The following UNC13C variants were observed in gnomAD, a reference collection of about 807,000 sequenced individuals.
The protein encoded by UNC13C is protein unc-13 homolog C.
In UNC13C, 174 loss-of-function variants were observed where a neutral mutation model predicts 245.4. The observed-to-expected ratio is 0.71, with a 90% confidence interval of 0.63 to 0.80. UNC13C has a LOEUF of 0.80. Ranked by LOEUF, UNC13C falls within the 30% of genes least tolerant of loss-of-function variation. The pLI, the probability that UNC13C is intolerant of heterozygous loss-of-function variation, is 0.00. For missense variants in UNC13C, 2,829 were observed against 2,602.9 expected (o/e 1.09, Z -1.89); for synonymous variants, 992 against 895.1 (o/e 1.11, Z -1.93).
chr15:54,042,362 C>T (rs1040808827), intron 2 of UNC13C, among the ~76,000 whole-genome samples: 13 of 152,060 alleles, frequency 8.5e-5, no homozygotes, highest in African/African-American at 1.4e-4. Flanking sequence ...ACTTTTCAAC[C>T]GGAACACACC....
chr15:54,176,225 C>A (rs2033609444), intron 4 of UNC13C, among the ~76,000 whole-genome samples: 1 of 152,078 alleles, frequency 6.6e-6, no homozygotes, highest in Admixed American at 6.5e-5. Context: ...ATTAAGGCTG[C>A]TTCCAGTGGT....
intron 2 of UNC13C, among the ~76,000 whole-genome samples, chr15:54,028,180 T>C (rs1896197486): frequency 6.6e-6 from 1 of 152,226 alleles, no homozygotes; most frequent in Non-Finnish European, 1.5e-5. Flanking sequence ...GCTAAGTTTT[T>C]CAGACTTTCA....
At position 54,297,981 on chromosome 15, in the gene UNC13C, A is replaced by G. The variant is rs565520504; in HGVS notation, c.4104+55A>G. 3.4e-6 allele frequency: 4 copies of G among 1,187,250 alleles called. No individual in the cohort carries two copies. The South Asian group carries it at 5.5e-5, about 16-fold the overall frequency. The allele number at this position is 1,187,250 out of a possible 1,614,324, so 73.5% of individuals were successfully genotyped here. A position where few individuals can be genotyped will look rare whatever the true frequency, so the allele number is the denominator to read the frequency against. On this transcript the variant is annotated intron_variant, in intron 12 of 32. Transcript: ENST00000260323. ...ATATAAGAAATGTTCTTGATTATGGATTATAAAACAGAATATTTGGTTTAA... is the reference window on the plus strand; with the variant it reads ...ATATAAGAAATGTTCTTGATTATGGGTTATAAAACAGAATATTTGGTTTAA...
At chr15:54,611,573 C>T (rs1266129590) in intron 30 of UNC13C, 1 of 152,050 alleles carries the variant, frequency 6.6e-6, no homozygotes, top group African/African-American at 2.4e-5. Context: ...TTTTAAGAAT[C>T]CTGAAAGATT....
Position 54,551,964 on chromosome 15 carries a change from A to C in UNC13C, c.5877+2273A>C, listed in dbSNP as rs901723372. On this transcript the variant is annotated intron_variant, in intron 28 of 32. Coordinates refer to ENST00000260323, the MANE Select transcript of UNC13C (RefSeq NM_001080534.3). The stretch of plus-strand genomic sequence containing the variant: ...TTAAACTATGGGTCTTTAAATTTTT[A>C]ATATATTAATTTGAAAGCAGATATG... Among the ~76,000 whole-genome samples, 7 of 151,442 alleles carry C rather than the reference A, an allele frequency of 4.6e-5. No individual in the cohort carries two copies. The Admixed American group carries it at 4.6e-4, about 10-fold the overall frequency.
intron 4 of UNC13C, among the ~76,000 whole-genome samples, chr15:54,165,695 G>A (rs928783870): frequency 1.3e-5 from 2 of 151,972 alleles, no homozygotes; most frequent in African/African-American, 4.8e-5. Flanking sequence ...TGTATGTAAT[G>A]TGTTTTCAAA....
chr15:53,934,507 C>G, the UNC13C span, among the ~76,000 whole-genome samples: 1 of 152,156 alleles, frequency 6.6e-6, no homozygotes, highest in African/African-American at 2.4e-5. Context: ...AAGGTAAAGC[C>G]AAGTCCTAGA....
intron 19 of UNC13C, among the ~76,000 whole-genome samples, chr15:54,458,353 T>C (rs1891648833): frequency 6.6e-6 from 1 of 152,132 alleles, no homozygotes. Context: ...AAAGAATGTA[T>C]ATTCTGCAGT....
intron 13 of UNC13C, 51 bp downstream of exon 13, chr15:54,300,424 GA>G: frequency 1.4e-6 from 2 of 1,471,232 alleles, no homozygotes; most frequent in Middle Eastern, 1.9e-4. Flanking sequence ...AAAATATAAA[GA>G]AAGAAAGGAG....
intron 1 of UNC13C, among the ~76,000 whole-genome samples, chr15:53,981,356 C>G (rs1893921256): frequency 1.3e-5 from 2 of 152,106 alleles, no homozygotes; most frequent in South Asian, 2.1e-4. Context: ...GAAAAACAAT[C>G]CTGCTTTGCA....
At chr15:54,446,205 ATAGTT>A (rs1890803579) in intron 19 of UNC13C, among the ~76,000 whole-genome samples, 2 of 152,212 alleles carry the variant, frequency 1.3e-5, no homozygotes, top group African/African-American at 4.8e-5. Flanking sequence ...GCCTTGTAGT[ATAGTT>A]TAAAGTCAGG....
the UNC13C span, among the ~76,000 whole-genome samples, chr15:53,851,653 G>T: frequency 1.3e-5 from 2 of 152,160 alleles, no homozygotes; most frequent in African/African-American, 4.8e-5. Context: ...CTGGAGGAAG[G>T]AATGCTGCAC....
At chr15:54,206,010 G>A (rs1006831453) in intron 4 of UNC13C, among the ~76,000 whole-genome samples, 1 of 151,926 alleles carries the variant, frequency 6.6e-6, no homozygotes, top group African/African-American at 2.4e-5. Flanking sequence ...GTATAATTTA[G>A]TTTTAATCAA....
chr15:54,310,760 ATATCTATATCTATATC>A (rs1241216221), intron 13 of UNC13C, among the ~76,000 whole-genome samples: 1 of 123,474 alleles, frequency 8.1e-6, no homozygotes, highest in Admixed American at 8.9e-5. Context: ...ATCTATATCT[ATATCTATATCTATATC>A]TATATATATG....
intron 19 of UNC13C, among the ~76,000 whole-genome samples, chr15:54,420,999 A>G (rs1382246204): frequency 6.6e-6 from 1 of 152,058 alleles, no homozygotes; most frequent in Non-Finnish European, 1.5e-5. Flanking sequence ...GGCCTTTTGA[A>G]ACATGCCCAG....
chr15:54,094,870 C>T (rs1899769336), intron 2 of UNC13C, among the ~76,000 whole-genome samples: 1 of 152,184 alleles, frequency 6.6e-6, no homozygotes, highest in South Asian at 2.1e-4. Context: ...TCTCTCACAC[C>T]TGTTCCACTG....
upstream of UNC13C, among the ~76,000 whole-genome samples, chr15:53,978,060 G>A (rs116131839): frequency 1.4e-3 from 209 of 152,288 alleles, no homozygotes; most frequent in African/African-American, 4.9e-3. Context: ...ACTGTGTGCG[G>A]TATACTTTCA....
At chr15:54,600,949 C>G (rs558106625) in intron 30 of UNC13C, among the ~76,000 whole-genome samples, 1 of 151,812 alleles carries the variant, frequency 6.6e-6, no homozygotes, top group Non-Finnish European at 1.5e-5. Flanking sequence ...TGTCTTAGGT[C>G]ACACATGAAA....
intron 28 of UNC13C, among the ~76,000 whole-genome samples, chr15:54,549,924 A>G (rs1172568438): frequency 6.6e-6 from 1 of 152,180 alleles, no homozygotes; most frequent in Admixed American, 6.5e-5. Context: ...GCTTGATGTG[A>G]ACAAAGACAA....
Sources: gnomAD v4.1 joint callset for allele counts (sites outside exome capture counted in the v4.1 genomes callset) on GRCh38, gnomAD v4.1.1 for gene constraint, MANE v1.5 for transcripts, NCBI Gene and HGNC (gene_info 2026-07-23, HGNC 2026-07-21) for gene names.